Variants in TLL2 observed in about 807,000 individuals in gnomAD.
TLL2 encodes tolloid-like protein 2.
TLL2 carries 106 observed loss-of-function variants against 123.0 expected under a neutral mutation model. The observed-to-expected ratio is 0.86, with a 90% CI of 0.74 to 1.01. The LOEUF is 1.01. TLL2 is among the 50% of genes least tolerant of loss of function. The pLI is 0.00. For missense variants in TLL2, 1,332 were observed against 1,336.7 expected (o/e 1.00, Z 0.06); for synonymous variants, 494 against 516.8 (o/e 0.96, Z 0.60).
At chr10:96,382,308 C>T (rs1371515761) in intron 16 of TLL2, among the ~76,000 whole-genome samples, 1 of 152,238 alleles carries the variant, frequency 6.6e-6, no homozygotes, top group Non-Finnish European at 1.5e-5. Context: ...GAATTACAGG[C>T]ATGAGCCACC....
At chr10:96,471,014 G>T (rs1403962522) in intron 2 of TLL2, among the ~76,000 whole-genome samples, 3 of 151,732 alleles carry the variant, frequency 2.0e-5, no homozygotes, top group South Asian at 2.1e-4. Context: ...TTTTTTTGAG[G>T]GGGGAGACAA....
chr10:96,480,038 C>T (rs1235733751), intron 2 of TLL2, among the ~76,000 whole-genome samples: 1 of 152,198 alleles, frequency 6.6e-6, no homozygotes, highest in African/African-American at 2.4e-5. Context: ...TTTCTGTTTA[C>T]ATTTCACTTG....
chr10:96,430,282 C>T (rs145144597), intron 4 of TLL2, among the ~76,000 whole-genome samples: 1 of 152,160 alleles, frequency 6.6e-6, no homozygotes, highest in Admixed American at 6.5e-5. Flanking sequence ...GTGGTACCTA[C>T]CCCACCTCTC....
intron 2 of TLL2, among the ~76,000 whole-genome samples, chr10:96,457,227 T>C (rs1277130971): frequency 6.6e-6 from 1 of 152,172 alleles, no homozygotes; most frequent in Non-Finnish European, 1.5e-5. Context: ...CAGCCTAGGC[T>C]GTGGCCAGGA....
At chr10:96,473,215 G>C (rs139202641) in intron 2 of TLL2, among the ~76,000 whole-genome samples, 81 of 152,304 alleles carry the variant, frequency 5.3e-4, no homozygotes, top group Non-Finnish European at 9.3e-4. Context: ...AGAACTTTGG[G>C]AGGCTGAGGC....
chr10:96,495,792 C>G (rs1393793241), intron 1 of TLL2, among the ~76,000 whole-genome samples: 3 of 152,240 alleles, frequency 2.0e-5, no homozygotes, highest in South Asian at 4.1e-4. Context: ...GTATGAGAAG[C>G]CTCCTGTCTC....
intron 2 of TLL2, among the ~76,000 whole-genome samples, chr10:96,458,502 G>A (rs984210750): frequency 9.7e-5 from 14 of 144,110 alleles, no homozygotes; most frequent in Admixed American, 2.2e-4. Flanking sequence ...CAGGAGAATC[G>A]CTTGAACCTG....
At chr10:96,374,935 A>G (rs1446655567) in intron 18 of TLL2, among the ~76,000 whole-genome samples, 1 of 121,986 alleles carries the variant, frequency 8.2e-6, no homozygotes, top group Non-Finnish European at 1.6e-5. Context: ...ACCAAATGAC[A>G]GAGCAGGGAG....
intron 3 of TLL2, among the ~76,000 whole-genome samples, chr10:96,434,349 C>T (rs923075689): frequency 2.0e-5 from 3 of 152,158 alleles, no homozygotes; most frequent in Non-Finnish European, 4.4e-5. Context: ...CAGTCACTCC[C>T]CATCTCTCCC....
intron 2 of TLL2, among the ~76,000 whole-genome samples, chr10:96,477,352 AT>A (rs33983869): frequency 0.35 from 49,338 of 139,658 alleles, 8,026 homozygotes; most frequent in Middle Eastern, 0.47. Flanking sequence ...TTTAATTTTA[AT>A]TTTTTTTTTT....
chr10:96,500,566 G>A (rs1847524523), intron 1 of TLL2, among the ~76,000 whole-genome samples: 1 of 152,198 alleles, frequency 6.6e-6, no homozygotes, highest in African/African-American at 2.4e-5. Flanking sequence ...GGCCAAGGCG[G>A]GTGGATCACC....
chr10:96,446,155 C>T lies in TLL2; in HGVS notation c.300G>A (p.Glu100=), dbSNP rs1374555130. 5 of 1,614,118 alleles carry T rather than the reference C, an allele frequency of 3.1e-6. No individual in the cohort carries two copies. Among genetic ancestry groups the T allele is most frequent in the South Asian group, 2.2e-5 (2 of 91,062 alleles). The change falls in exon 3 of 21, where the codon GAG becomes GAA. Residue 100 remains glutamate, a synonymous_variant. Transcript: ENST00000357947. ...TGTCTGGGCTGCTCTCAGATGCCTG[C>T]TCTTCAAGCCCACCTAGAGGAATGG... ...ATGHSTGGLE[E]QASESSPDTT...
chr10:96,414,677 C>G (rs182408957), intron 7 of TLL2, among the ~76,000 whole-genome samples: 2 of 152,142 alleles, frequency 1.3e-5, no homozygotes, highest in Non-Finnish European at 2.9e-5. Context: ...CCAGATGCCT[C>G]GTAACACCTC....
At chr10:96,421,324 A>T (rs1335833420) in intron 6 of TLL2, among the ~76,000 whole-genome samples, 1 of 152,172 alleles carries the variant, frequency 6.6e-6, no homozygotes, top group Non-Finnish European at 1.5e-5. Flanking sequence ...TTGCAGACAG[A>T]TTAGTTATCA....
intron 18 of TLL2, among the ~76,000 whole-genome samples, chr10:96,375,145 G>A (rs187160405): frequency 1.2e-4 from 18 of 152,282 alleles, no homozygotes; most frequent in African/African-American, 4.3e-4. Flanking sequence ...CCAAGGTGGT[G>A]GGTAGAGACA....
chr10:96,471,353 C>T (rs1230389479), intron 2 of TLL2, among the ~76,000 whole-genome samples: 1 of 152,118 alleles, frequency 6.6e-6, no homozygotes, highest in African/African-American at 2.4e-5. Flanking sequence ...TTCCCATGTG[C>T]TGGTTGGAAT....
chr10:96,450,192 TGGATGGATGGAC>T (rs1217394232), intron 2 of TLL2, among the ~76,000 whole-genome samples: 2 of 151,918 alleles, frequency 1.3e-5, no homozygotes, highest in African/African-American at 4.8e-5. Context: ...GATGGATGGA[TGGATGGATGGAC>T]ATACGAGTCA....
chr10:96,502,756 G>C (rs2134115124), intron 1 of TLL2, among the ~76,000 whole-genome samples: 1 of 152,292 alleles, frequency 6.6e-6, no homozygotes, highest in East Asian at 1.9e-4. Context: ...TGGGAAGCCA[G>C]CTTACAGGAC....
intron 1 of TLL2, among the ~76,000 whole-genome samples, chr10:96,495,095 C>T (rs1255127816): frequency 1.3e-5 from 2 of 152,136 alleles, no homozygotes; most frequent in African/African-American, 4.8e-5. Flanking sequence ...ACAAGCCACT[C>T]CAATAACTTC....
Sources: gnomAD v4.1 joint callset for allele counts (sites outside exome capture counted in the v4.1 genomes callset) on GRCh38, gnomAD v4.1.1 for gene constraint, MANE v1.5 for transcripts, NCBI Gene and HGNC (gene_info 2026-07-23, HGNC 2026-07-21) for gene names.